The following POC1B variants were observed in gnomAD, a reference collection of about 807,000 sequenced individuals.
POC1B encodes POC1 centriolar protein homolog B.
In POC1B, 44 loss-of-function variants were observed where a neutral mutation model predicts 60.6. That is an observed-to-expected ratio of 0.73 (90% CI 0.57 to 0.93). The LOEUF (loss-of-function observed/expected upper bound fraction) is 0.93. Among genes scored for constraint, POC1B ranks in the 40% least tolerant of loss-of-function variants. The probability of loss-of-function intolerance (pLI) is 0.00; values close to 1 mark genes in which losing one functional copy is unlikely to be tolerated. For synonymous variants in POC1B, 180 were observed against 198.9 expected (o/e 0.90, Z 0.80); for missense variants, 555 against 572.3 (o/e 0.97, Z 0.31).
chr12:89,476,706 A>AT (rs199618171), intron 4 of POC1B, among the ~76,000 whole-genome samples: 1 of 43,232 alleles, frequency 2.3e-5, no homozygotes, highest in South Asian at 9.2e-4. Flanking sequence ...CAATAGATAG[A>AT]TAGATAGATA....
chr12:89,465,256 C>G (rs1490245819), intron 9 of POC1B, among the ~76,000 whole-genome samples: 1 of 152,116 alleles, frequency 6.6e-6, no homozygotes, highest in Non-Finnish European at 1.5e-5. Context: ...AAGCCTAGCA[C>G]TCTGAAATGA....
intron 2 of POC1B, chr12:89,523,069 A>G: frequency 6.2e-7 from 1 of 1,613,782 alleles, no homozygotes; most frequent in Non-Finnish European, 8.5e-7. Context: ...ATTAAACCTT[A>G]TTTCTTTGTT....
intron 3 of POC1B, 29 bp downstream of exon 3, chr12:89,497,142 G>C (rs765390366): frequency 2.5e-6 from 4 of 1,604,106 alleles, no homozygotes; most frequent in African/African-American, 2.7e-5. Flanking sequence ...AAATCCAAAG[G>C]ATATCAAGTG....
chr12:89,433,986 T>C (rs1486150455), intron 10 of POC1B, among the ~76,000 whole-genome samples: 2 of 152,242 alleles, frequency 1.3e-5, no homozygotes, highest in East Asian at 1.9e-4. Flanking sequence ...ACATAGGCTG[T>C]TGATCCTGAA....
the POC1B span, among the ~76,000 whole-genome samples, chr12:89,407,136 G>A: frequency 0.031 from 3,511 of 114,220 alleles, 192 homozygotes; most frequent in East Asian, 0.26. Flanking sequence ...GTGACAGAGC[G>A]AGACTCCGTC....
the POC1B span, among the ~76,000 whole-genome samples, chr12:89,406,107 C>A: frequency 1.3e-5 from 2 of 150,884 alleles, no homozygotes; most frequent in African/African-American, 4.9e-5. Context: ...CAGCAGACTT[C>A]CCCCCACATC....
chr12:89,504,455 A>C (rs1424045154), intron 2 of POC1B, among the ~76,000 whole-genome samples: 3 of 152,188 alleles, frequency 2.0e-5, no homozygotes, highest in Admixed American at 2.0e-4. Flanking sequence ...GTACCCAGGG[A>C]CACAAACACT....
At chr12:89,500,325 G>C (rs1051597315) in intron 2 of POC1B, 59 of 1,525,336 alleles carry the variant, frequency 3.9e-5, no homozygotes, top group Non-Finnish European at 5.1e-5. Context: ...AGCAAAGAGT[G>C]CCAGAAATCA....
rs1382687142 is a variant in POC1B at position 89,466,926 on chromosome 12, T to A, written c.880-4A>T. On this transcript the variant is annotated splice_region_variant and splice_polypyrimidine_tract_variant and intron_variant, in intron 8 of 11. Coordinates refer to ENST00000313546, the MANE Select transcript of POC1B (RefSeq NM_172240.3). ...AGTTAGTCCTCCATAATAAGACCTA[T>A]GAAAAAAGTCAATGATGTTGGCAGT... 3 of 1,604,382 alleles carry A rather than the reference T, an allele frequency of 1.9e-6. No individual in the cohort carries two copies. The East Asian group carries it at 6.7e-5, about 36-fold the overall frequency.
chr12:89,454,211 A>G (rs1236166031), intron 10 of POC1B, among the ~76,000 whole-genome samples: 1 of 152,162 alleles, frequency 6.6e-6, no homozygotes, highest in Middle Eastern at 3.2e-3. Flanking sequence ...TCCTGAGATT[A>G]CTCAAGGCTA....
At chr12:89,434,675 G>T (rs974771734) in intron 10 of POC1B, among the ~76,000 whole-genome samples, 1 of 152,118 alleles carries the variant, frequency 6.6e-6, no homozygotes, top group African/African-American at 2.4e-5. Context: ...AAACTCAAAA[G>T]GGAAAACAAG....
chr12:89,415,559 C>G (rs1056763228), downstream of POC1B, among the ~76,000 whole-genome samples: 2 of 151,628 alleles, frequency 1.3e-5, no homozygotes, highest in African/African-American at 4.9e-5. Flanking sequence ...AGGAGAATGG[C>G]GTGAACCCGG....
At chr12:89,441,826 A>G (rs185707613) in intron 10 of POC1B, among the ~76,000 whole-genome samples, 1 of 152,360 alleles carries the variant, frequency 6.6e-6, no homozygotes, top group African/African-American at 2.4e-5. Context: ...AACTTCTCTG[A>G]GCTAAAGAAA....
chr12:89,484,286 C>G (rs1290800002), intron 4 of POC1B, among the ~76,000 whole-genome samples: 1 of 152,182 alleles, frequency 6.6e-6, no homozygotes, highest in Non-Finnish European at 1.5e-5. Context: ...AATCACAGGA[C>G]TGATTACATA....
chr12:89,427,113 G>GT (rs753947694), intron 10 of POC1B: 25 of 152,128 alleles, frequency 1.6e-4, no homozygotes, highest in Non-Finnish European at 2.2e-4. Context: ...TGAAAAAAAT[G>GT]TGAAGGACTC....
chr12:89,467,777 T>C, intron 7 of POC1B, 92 bp from the exon 8 acceptor site: 1 of 912,652 alleles, frequency 1.1e-6, no homozygotes, highest in Admixed American at 2.1e-5. Context: ...CATCCTAATT[T>C]ATGCATACTA....
At chr12:89,428,103 G>C (rs1326435241) in intron 10 of POC1B, 1 of 152,186 alleles carries the variant, frequency 6.6e-6, no homozygotes, top group East Asian at 1.9e-4. Context: ...CCTGATCCTA[G>C]ACCTCATTCA....
At chr12:89,426,122 A>G (rs1369720652) in intron 10 of POC1B, 1 of 152,232 alleles carries the variant, frequency 6.6e-6, no homozygotes, top group Non-Finnish European at 1.5e-5. Flanking sequence ...GCTAAGTAAA[A>G]TGAGCCAGAC....
chr12:89,467,495 A>T (rs973211881), intron 8 of POC1B, 122 bp downstream of exon 8: 3 of 783,582 alleles, frequency 3.8e-6, no homozygotes, highest in Non-Finnish European at 6.0e-6. Flanking sequence ...GTACTAATTA[A>T]AATATAAACT....
Sources: allele counts gnomAD v4.1 joint callset (sites outside exome capture counted in the v4.1 genomes callset), GRCh38; gene constraint gnomAD v4.1.1; transcripts MANE v1.5; gene names NCBI Gene and HGNC (gene_info 2026-07-23, HGNC 2026-07-21).